Variants in BEAN1 observed in about 807,000 individuals in gnomAD.
BEAN1 encodes the protein protein BEAN1.
Under a neutral mutation model 17.7 loss-of-function variants are expected in BEAN1, and 17 were observed. The ratio of observed to expected loss-of-function variants is 0.96; its 90% CI spans 0.66 to 1.44. The LOEUF is 1.44. Ranked by LOEUF, BEAN1 falls within the 40% of genes most tolerant of loss-of-function variation. The pLI, the probability that BEAN1 is intolerant of heterozygous loss-of-function variation, is 0.00. For synonymous variants in BEAN1, 142 were observed against 151.8 expected, an observed-to-expected ratio of 0.94 and a Z score of 0.47; for missense variants, 359 against 374.1, an observed-to-expected ratio of 0.96 and a Z score of 0.33.
chr16:66,456,120 G>A (rs999637502), intron 2 of BEAN1, among the ~76,000 whole-genome samples: 3 of 152,230 alleles, frequency 2.0e-5, no homozygotes, highest in South Asian at 2.1e-4. Context: ...TAGGCTGGTT[G>A]AACTTGTTCC....
intron 3 of BEAN1, among the ~76,000 whole-genome samples, chr16:66,472,637 T>G (rs1024163802): frequency 5.9e-5 from 9 of 152,042 alleles, no homozygotes; most frequent in African/African-American, 2.2e-4. Context: ...CTGGGAGGCA[T>G]AGGTTACAGT....
At chr16:66,477,111 C>T (rs2142456341) in intron 3 of BEAN1, among the ~76,000 whole-genome samples, 2 of 152,260 alleles carry the variant, frequency 1.3e-5, no homozygotes, top group South Asian at 4.1e-4. Flanking sequence ...CCTTGGAAAG[C>T]TATTCAGTTC....
At chr16:66,487,191 TGAAGAGGAA>T (rs1964101281), downstream of BEAN1, among the ~76,000 whole-genome samples, 1 of 152,226 alleles carries the variant, frequency 6.6e-6, no homozygotes. Context: ...GTTTTGTTCC[TGAAGAGGAA>T]CATAAATTTG....
chr16:66,437,451 T>A, intron 1 of BEAN1, 144 bp from the exon 2 acceptor site: 39 of 479,626 alleles, frequency 8.1e-5, no homozygotes, highest in East Asian at 1.8e-4. Context: ...CCCCAGCCCC[T>A]TGCCCAGACT....
At chr16:66,437,754 C>T (rs1176257465) in intron 2 of BEAN1, 53 bp downstream of exon 2, 2 of 1,505,628 alleles carry the variant, frequency 1.3e-6, no homozygotes, top group Admixed American at 2.0e-5. Flanking sequence ...AAGGGCAGAG[C>T]TTGGAGTCGA....
chr16:66,435,219 A>T (rs1426152531), intron 1 of BEAN1, among the ~76,000 whole-genome samples: 2 of 152,112 alleles, frequency 1.3e-5, no homozygotes, highest in African/African-American at 4.8e-5. Context: ...CCCTGGCAGT[A>T]ACTGAGAGGC....
At chr16:66,455,752 T>A (rs1184835966) in intron 2 of BEAN1, among the ~76,000 whole-genome samples, 2 of 151,302 alleles carry the variant, frequency 1.3e-5, no homozygotes, top group Non-Finnish European at 2.9e-5. Context: ...AGTAGTGCAA[T>A]CACAGTTTAC....
chr16:66,461,543 C>T (rs1422358803), intron 2 of BEAN1, among the ~76,000 whole-genome samples: 2 of 149,000 alleles, frequency 1.3e-5, no homozygotes, highest in South Asian at 2.2e-4. Flanking sequence ...GCAGGTTCTG[C>T]GTGCTGTGCA....
chr16:66,463,178 G>A (rs1963146510), intron 2 of BEAN1, among the ~76,000 whole-genome samples: 1 of 152,204 alleles, frequency 6.6e-6, no homozygotes, highest in African/African-American at 2.4e-5. Context: ...GCAAGTGCTG[G>A]ATCATGTGAT....
chr16:66,477,442 G>A, intron 3 of BEAN1, 118 bp from the exon 4 acceptor site: 1 of 1,078,604 alleles, frequency 9.3e-7, no homozygotes, highest in East Asian at 3.1e-5. Context: ...GCTTGGTGAG[G>A]AGAGGAGTGG....
intron 2 of BEAN1, among the ~76,000 whole-genome samples, chr16:66,441,510 G>A (rs1013896303): frequency 2.0e-5 from 3 of 152,128 alleles, no homozygotes; most frequent in African/African-American, 7.2e-5. Flanking sequence ...AGATACTGAA[G>A]CCCCCACAAA....
chr16:66,431,411 G>A (rs1008098732), intron 1 of BEAN1, among the ~76,000 whole-genome samples: 48 of 151,786 alleles, frequency 3.2e-4, no homozygotes, highest in African/African-American at 1.0e-3. Context: ...ATGATTTTTC[G>A]GATTGTTATT....
downstream of BEAN1, chr16:66,484,517 G>A (rs896458953): frequency 9.0e-6 from 4 of 444,626 alleles, no homozygotes; most frequent in South Asian, 3.1e-5. The surrounding 1 kb of genome is among the most constrained non-coding windows in gnomAD (Gnocchi z 4.2). Context: ...CAGGGGCCAA[G>A]GAGAACACCC....
chr16:66,468,039 T>G (rs1053625094), intron 2 of BEAN1, among the ~76,000 whole-genome samples: 1 of 152,200 alleles, frequency 6.6e-6, no homozygotes, highest in Non-Finnish European at 1.5e-5. Context: ...AAGCCTCTGA[T>G]TGGTAGATGG....
chr16:66,483,084 C>T, downstream of BEAN1: 1 of 344,414 alleles, frequency 2.9e-6, no homozygotes, highest in Non-Finnish European at 5.6e-6. Flanking sequence ...CTAGTTGAAA[C>T]TCCTGGTCTC....
At chr16:66,459,473 C>A (rs535455898) in intron 2 of BEAN1, among the ~76,000 whole-genome samples, 1 of 152,260 alleles carries the variant, frequency 6.6e-6, no homozygotes, top group Admixed American at 6.5e-5. Flanking sequence ...GCACCTGCCA[C>A]CATGCAAGGC....
At chr16:66,451,025 T>C (rs537711270) in intron 2 of BEAN1, 4 of 153,324 alleles carry the variant, frequency 2.6e-5, no homozygotes, top group South Asian at 4.1e-4. Context: ...GTTTCAAAAT[T>C]AGTTTTCCAG....
rs779019822 is a variant in BEAN1, at chr16:66,480,805, C to T, written c.660C>T (p.Cys220=). ...CCCTTCCCCCCTACGAGGCTGTGTG[C>T]GGGGCTGGCCCCCCATCAGGCCTGC... The part of the protein sequence containing the change: ...MDTLPPYEAV[C]GAGPPSGLLP... Residue 220 remains cysteine, a synonymous_variant, in exon 5 of 5, where the codon TGC becomes TGT. Transcript: ENST00000536005. 11 of 1,544,202 alleles carry T rather than the reference C, an allele frequency of 7.1e-6. No homozygotes were observed. The highest frequency in any genetic ancestry group is 2.0e-5 in the Admixed American group (1 of 50,568).
Position 66,493,012 on chromosome 16 carries a change from CA to C in BEAN1, c.201del (p.Lys67AsnfsTer40), listed in dbSNP as rs1567515331. On this transcript the variant is annotated frameshift_variant, in exon 5 of 5. Coordinates refer to the BEAN1 transcript ENST00000561796. LOFTEE classifies it low-confidence loss of function (END_TRUNC). The stretch of plus-strand genomic sequence containing the variant: ...GGGTGCGATCTATGCTTTCCAGACA[CA>C]AACTGGACGCCATCCTGGGCAGGCT... 1 of 703,062 alleles carries C rather than the reference CA, an allele frequency of 1.4e-6. No individual in the cohort carries two copies. The allele number at this position is 703,062 out of a possible 1,614,324, so 43.6% of individuals were successfully genotyped here.
Sources: gnomAD v4.1 joint callset for allele counts (sites outside exome capture counted in the v4.1 genomes callset) on GRCh38, gnomAD v4.1.1 for gene constraint, Gnocchi (gnomAD v3.1) non-coding constraint, MANE v1.5 for transcripts, NCBI Gene and HGNC (gene_info 2026-07-23, HGNC 2026-07-21) for gene names.